The following SNAP47 variants were observed in gnomAD, a reference collection of about 807,000 sequenced individuals.
SNAP47 encodes synaptosomal-associated protein 47.
Under a neutral mutation model 31.4 loss-of-function variants are expected in SNAP47, and 20 were observed. That is an observed-to-expected ratio of 0.64 (90% CI 0.45 to 0.93). The LOEUF is 0.93. Among genes scored for constraint, SNAP47 ranks in the 40% least tolerant of loss-of-function variants. The pLI is 0.00. For synonymous variants in SNAP47, 194 were observed against 213.4 expected, an observed-to-expected ratio of 0.91 and a Z score of 0.79; for missense variants, 492 against 528.5, an observed-to-expected ratio of 0.93 and a Z score of 0.68.
intron 4 of SNAP47, among the ~76,000 whole-genome samples, chr1:227,774,007 C>T (rs552283054): frequency 5.9e-5 from 9 of 152,318 alleles, no homozygotes; most frequent in South Asian, 2.1e-4. Flanking sequence ...TTCAGTTTGC[C>T]GTGTTGCTAG....
intron 3 of SNAP47, among the ~76,000 whole-genome samples, chr1:227,761,343 C>T (rs1169208112): frequency 6.6e-6 from 1 of 152,158 alleles, no homozygotes; most frequent in Non-Finnish European, 1.5e-5. Context: ...TGAATACACA[C>T]CCTAAAAATG....
chr1:227,743,544 G>A (rs571698498), intron 1 of SNAP47, among the ~76,000 whole-genome samples: 2 of 152,356 alleles, frequency 1.3e-5, no homozygotes, highest in Non-Finnish European at 2.9e-5. Flanking sequence ...CGAGACTACA[G>A]AAGGCTCACC....
upstream of SNAP47, chr1:227,732,337 C>T: frequency 1.3e-6 from 2 of 1,588,618 alleles, no homozygotes; most frequent in Non-Finnish European, 1.7e-6. Context: ...CTGGAAGGGC[C>T]CCGGAGCAGG....
At chr1:227,732,443 T>C (rs1320394468), upstream of SNAP47, 13 of 1,613,116 alleles carry the variant, frequency 8.1e-6, no homozygotes, top group Non-Finnish European at 1.1e-5. Context: ...GCAGCAGCTC[T>C]TTGGGCTGTG....
chr1:227,735,496 T>A lies in SNAP47; in HGVS notation c.-49T>A. Reference sequence around the variant, plus strand: ...GGCTCTGGGACTCGTCTGGCGTCCCTCAGGTGAGCGACGGTGTTGGTCTGT... The same window carrying A: ...GGCTCTGGGACTCGTCTGGCGTCCCACAGGTGAGCGACGGTGTTGGTCTGT... On this transcript the variant is annotated 5_prime_UTR_variant, in exon 1 of 5. Transcript: ENST00000617596. The A allele has an allele frequency of 7.1e-7, 1 of 1,407,964 alleles. No individual in the cohort carries two copies. The highest frequency in any genetic ancestry group is 9.2e-7 in the Non-Finnish European group (1 of 1,090,124). 87.2% of individuals were successfully genotyped at this position (1,407,964 alleles called of 1,614,324 possible).
chr1:227,750,297 G>A (rs913175466), intron 2 of SNAP47, among the ~76,000 whole-genome samples: 4 of 152,260 alleles, frequency 2.6e-5, no homozygotes, highest in Non-Finnish European at 4.4e-5. Context: ...CGAAGGCCAT[G>A]ACTCTGTTTC....
intron 2 of SNAP47, among the ~76,000 whole-genome samples, chr1:227,753,093 A>G (rs1662480486): frequency 6.6e-6 from 1 of 152,220 alleles, no homozygotes; most frequent in Non-Finnish European, 1.5e-5. Flanking sequence ...GTTCAAGTAA[A>G]CAAGCTTTTC....
At chr1:227,734,578 T>A, upstream of SNAP47, 1 of 1,484,492 alleles carries the variant, frequency 6.7e-7, no homozygotes, top group South Asian at 1.2e-5. Flanking sequence ...AGGGGCCACC[T>A]TCATCAGAAA....
chr1:227,767,477 A>G (rs1663491270), intron 4 of SNAP47, among the ~76,000 whole-genome samples: 1 of 152,006 alleles, frequency 6.6e-6, no homozygotes, highest in Non-Finnish European at 1.5e-5. Flanking sequence ...TATGTGTGCT[A>G]TGTGTACATA....
intron 2 of SNAP47, among the ~76,000 whole-genome samples, chr1:227,749,453 T>C (rs1448108749): frequency 6.6e-6 from 1 of 152,194 alleles, no homozygotes; most frequent in Non-Finnish European, 1.5e-5. Context: ...CAGTGCCACA[T>C]GGACTTGTGC....
At chr1:227,744,890 T>G (rs1452384943) in intron 1 of SNAP47, among the ~76,000 whole-genome samples, 1 of 152,154 alleles carries the variant, frequency 6.6e-6, no homozygotes, top group Non-Finnish European at 1.5e-5. Flanking sequence ...GCCACACAAC[T>G]GTCAGCCCCA....
chr1:227,754,641 C>T (rs1662583210), intron 2 of SNAP47, among the ~76,000 whole-genome samples: 1 of 152,172 alleles, frequency 6.6e-6, no homozygotes, highest in Non-Finnish European at 1.5e-5. Flanking sequence ...AAAGTGTGTG[C>T]ACCCATGTCA....
At chr1:227,776,818 T>C in intron 4 of SNAP47, 1 of 985,504 alleles carries the variant, frequency 1.0e-6, no homozygotes, top group Non-Finnish European at 1.2e-6. Context: ...AGTGCAATTT[T>C]GGCAGGCAGG....
intron 4 of SNAP47, among the ~76,000 whole-genome samples, chr1:227,767,825 C>A (rs1205583092): frequency 6.6e-6 from 1 of 152,212 alleles, no homozygotes; most frequent in African/African-American, 2.4e-5. Context: ...TGTGTGTGCA[C>A]TGTATGCATG....
Position 227,759,386 on chromosome 1 carries a change from C to G in SNAP47, c.889C>G (p.Gln297Glu). 3.1e-6 allele frequency: 5 copies of G among 1,614,188 alleles called. No individual in the cohort carries two copies. The Admixed American group carries it at 5.0e-5, about 16-fold the overall frequency. The change falls in exon 3 of 5, where the codon CAG becomes GAG. Residue 297 changes from glutamine (Q) to glutamate (E), a missense_variant. Coordinates refer to ENST00000617596, the MANE Select transcript of SNAP47 (RefSeq NM_053052.4). Reference sequence around the variant, plus strand: ...AGAGGTTATCCCCATTTTAGAAGTGCAGTTCAGCAAGAAGATGGAGCTGTT... The same window carrying G: ...AGAGGTTATCCCCATTTTAGAAGTGGAGTTCAGCAAGAAGATGGAGCTGTT... Reference protein sequence around the residue: ...MPEVIPILEVQFSKKMELLED... With the variant: ...MPEVIPILEVEFSKKMELLED...
At chr1:227,757,157 G>C (rs1662750080) in intron 2 of SNAP47, among the ~76,000 whole-genome samples, 1 of 152,206 alleles carries the variant, frequency 6.6e-6, no homozygotes, top group African/African-American at 2.4e-5. Flanking sequence ...CTGGTTTTCA[G>C]CTGAAGGAGT....
chr1:227,753,276 C>G (rs1001139403), intron 2 of SNAP47, among the ~76,000 whole-genome samples: 1 of 152,200 alleles, frequency 6.6e-6, no homozygotes, highest in Non-Finnish European at 1.5e-5. Context: ...TAAAGCAACT[C>G]CATCTTGGAT....
At chr1:227,779,763 GAC>G (rs1309929512) in intron 4 of SNAP47, among the ~76,000 whole-genome samples, 1 of 152,154 alleles carries the variant, frequency 6.6e-6, no homozygotes, top group South Asian at 2.1e-4. Context: ...TTAAGCCACA[GAC>G]ACAGCACCAG....
At chr1:227,771,758 A>G (rs950893580) in intron 4 of SNAP47, among the ~76,000 whole-genome samples, 5 of 150,030 alleles carry the variant, frequency 3.3e-5, no homozygotes, top group Admixed American at 6.7e-5. Flanking sequence ...CAGAGGACCC[A>G]GGACCCTGGG....
Sources: allele counts gnomAD v4.1 joint callset (sites outside exome capture counted in the v4.1 genomes callset), GRCh38; gene constraint gnomAD v4.1.1; transcripts MANE v1.5; gene names NCBI Gene and HGNC (gene_info 2026-07-23, HGNC 2026-07-21).